ZNF726: variants seen among roughly 807,000 people sequenced by gnomAD.
ZNF726 encodes the protein zinc finger protein 92 pseudogene 3.
ZNF726 carries 15 observed loss-of-function variants against 11.6 expected under a neutral mutation model. That is an observed-to-expected ratio of 1.29 (90% confidence interval 0.86 to 1.99). ZNF726 has a LOEUF of 1.99. ZNF726 is among the 30% of genes most tolerant of loss of function. ZNF726 has a pLI of 0.00. For missense variants in ZNF726, 890 were observed against 725.6 expected (o/e 1.23, Z -2.60); for synonymous variants, 295 against 243.6 (o/e 1.21, Z -1.96).
intron 3 of ZNF726, among the ~76,000 whole-genome samples, chr19:23,924,844 A>G (rs887229823): frequency 1.9e-4 from 29 of 152,058 alleles, no homozygotes; most frequent in Admixed American, 2.6e-4. Context: ...GTGAGCCATA[A>G]TTGTCCCATT....
At position 23,932,841 on chromosome 19, in the gene ZNF726, C is replaced by T. The variant is rs761778208; in HGVS notation, c.725C>T (p.Ser242Leu). The stretch of plus-strand genomic sequence containing the variant: ...TATGGCAAAGCTTTTAATCAATCCT[C>T]AAATTATACTACACATAAGGTAACT... ...EEYGKAFNQS[S>L]NYTTHKVTHT... Residue 242 changes from serine to leucine, a missense_variant, in exon 4 of 4, where the codon TCA becomes TTA. Ser to Leu is a moderately radical substitution (Grantham distance 145, BLOSUM62 -2). Coordinates refer to ENST00000594466, the MANE Select transcript of ZNF726 (RefSeq NM_001244038.2). The T allele has an allele frequency of 6.2e-6, 10 of 1,606,124 alleles. No homozygotes were observed. In the African/African-American group the frequency reaches 9.4e-5, roughly 15 times the overall value.
intron 3 of ZNF726, among the ~76,000 whole-genome samples, chr19:23,930,419 A>G (rs1427887929): frequency 6.6e-6 from 1 of 152,118 alleles, no homozygotes; most frequent in Admixed American, 6.5e-5. Flanking sequence ...ATTTTAGGGT[A>G]TGCTACCACA....
rs761055731 is a variant in ZNF726 at position 23,933,136 on chromosome 19, C to G, written c.1020C>G (p.Pro340=). 6.2e-7 allele frequency: 1 copy of G among 1,611,534 alleles called. No homozygotes were observed. Among genetic ancestry groups the G allele is most frequent in the South Asian group, 1.1e-5 (1 of 91,014 alleles). ...RHKRLHSGEK[P]YKCEECAKAF... is the part of the protein sequence containing the mutation. ...AGAGGCTGCACAGTGGAGAGAAACC[C>G]TACAAATGTGAAGAATGTGCCAAAG... Residue 340 remains proline, a synonymous_variant, in exon 4 of 4, where the codon CCC becomes CCG. Coordinates refer to ENST00000594466, the MANE Select transcript of ZNF726 (RefSeq NM_001244038.2).
rs767101936 is a variant in ZNF726 at position 23,933,320 on chromosome 19, T to C, written c.1204T>C (p.Cys402Arg). Residue 402 changes from cysteine (C) to arginine (R), a missense_variant, in exon 4 of 4, where the codon TGT becomes CGT. Coordinates refer to ENST00000594466, the MANE Select transcript of ZNF726 (RefSeq NM_001244038.2). ...TGEKPYKCEE[C>R]GKAFHRSSNL... The stretch of plus-strand genomic sequence containing the variant: ...AGAGAAACCCTACAAATGTGAAGAA[T>C]GTGGCAAAGCTTTTCATCGATCCTC... The C allele has an allele frequency of 3.5e-5, 56 of 1,613,174 alleles. No individual in the cohort carries two copies. Among genetic ancestry groups the C allele is most frequent in the Non-Finnish European group, 4.7e-5 (55 of 1,179,966 alleles).
At chr19:23,939,302 CT>C (rs1281450250), downstream of ZNF726, among the ~76,000 whole-genome samples, 1 of 152,076 alleles carries the variant, frequency 6.6e-6, no homozygotes, top group East Asian at 1.9e-4. Context: ...CTGTTAATTT[CT>C]TTTTGTGGTG....
At chr19:23,924,926 G>T (rs1028629802) in intron 3 of ZNF726, among the ~76,000 whole-genome samples, 3 of 151,912 alleles carry the variant, frequency 2.0e-5, no homozygotes, top group Non-Finnish European at 4.4e-5. Context: ...GGCATATCAT[G>T]TATATTCACA....
chr19:23,935,952 T>C (rs1968223493), downstream of ZNF726: 1 of 152,392 alleles, frequency 6.6e-6, no homozygotes, highest in African/African-American at 2.4e-5. Context: ...ATTACAAATA[T>C]GAAGAGGGTT....
Position 23,932,368 on chromosome 19 carries a change from C to A in ZNF726, c.252C>A (p.Asp84Glu), listed in dbSNP as rs760037460. ...PPGICPHFAQ[D>E]IWPEQGVEDS... ...GTATATGTCCTCATTTTGCTCAAGA[C>A]ATTTGGCCAGAGCAGGGCGTGGAAG... The change falls in exon 4 of 4, where the codon GAC becomes GAA. Residue 84 changes from aspartate (D) to glutamate (E), a missense_variant. Physicochemically the swap from Asp to Glu is conservative, Grantham distance 45. Transcript: ENST00000594466. 1.4e-6 allele frequency: 2 copies of A among 1,442,390 alleles called. No individual in the cohort carries two copies. The highest frequency in any genetic ancestry group is 1.8e-5 in the South Asian group (1 of 56,154). 89.3% of individuals were successfully genotyped at this position (1,442,390 alleles called of 1,614,324 possible).
intron 3 of ZNF726, chr19:23,928,631 C>T (rs1427671773): frequency 6.6e-6 from 1 of 152,058 alleles, no homozygotes; most frequent in Admixed American, 6.6e-5. Context: ...ATGTCTAAAA[C>T]CCAAGTGTAG....
Position 23,933,296 on chromosome 19 carries a change from G to C in ZNF726, c.1180G>C (p.Glu394Gln). The change falls in exon 4 of 4, where the codon GAG becomes CAG. Residue 394 changes from glutamate to glutamine, a missense_variant. Coordinates refer to ENST00000594466, the MANE Select transcript of ZNF726 (RefSeq NM_001244038.2). The stretch of plus-strand genomic sequence containing the variant: ...TAAACATAAGAGGATTCACACTGGA[G>C]AGAAACCCTACAAATGTGAAGAATG... The part of the protein sequence containing the change: ...LTKHKRIHTG[E>Q]KPYKCEECGK... 6.2e-7 allele frequency: 1 copy of C among 1,613,628 alleles called. No individual in the cohort carries two copies. The highest frequency in any genetic ancestry group is 1.1e-5 in the South Asian group (1 of 91,074).
intron 1 of ZNF726, among the ~76,000 whole-genome samples, chr19:23,917,247 A>T (rs772749746): frequency 6.6e-5 from 10 of 152,244 alleles, no homozygotes; most frequent in Non-Finnish European, 1.5e-4. Context: ...CACTGTGCTC[A>T]GCTGACCTCA....
At chr19:23,943,655 C>A in intron 4 of ZNF726, 1 of 498,632 alleles carries the variant, frequency 2.0e-6, no homozygotes, top group Non-Finnish European at 3.7e-6. Context: ...GAATGCCAGA[C>A]TTTAAAATGT....
chr19:23,943,636 G>A, intron 4 of ZNF726: 1 of 547,296 alleles, frequency 1.8e-6, no homozygotes, highest in Middle Eastern at 2.7e-4. Flanking sequence ...CAGGTTCAAA[G>A]GTCAAAAAGA....
chr19:23,932,195 C>T, intron 3 of ZNF726, 148 bp from the exon 4 acceptor site: 1 of 510,692 alleles, frequency 2.0e-6, no homozygotes, highest in Non-Finnish European at 3.0e-6. Context: ...GTTTTTGTTA[C>T]ATTTAAATGT....
downstream of ZNF726, among the ~76,000 whole-genome samples, chr19:23,938,307 A>G (rs967483304): frequency 6.6e-6 from 1 of 152,212 alleles, no homozygotes; most frequent in Non-Finnish European, 1.5e-5. Flanking sequence ...AGATGTAAAT[A>G]AATTATGGAG....
chr19:23,942,019 GGTTT>G (rs1968346415), intron 3 of ZNF726, among the ~76,000 whole-genome samples: 1 of 151,776 alleles, frequency 6.6e-6, no homozygotes, highest in Non-Finnish European at 1.5e-5. Context: ...GTTTGGGTTT[GGTTT>G]GTTCTTGTTT....
intron 3 of ZNF726, among the ~76,000 whole-genome samples, chr19:23,942,384 G>C (rs940190228): frequency 1.6e-4 from 25 of 152,122 alleles, no homozygotes; most frequent in African/African-American, 6.0e-4. Flanking sequence ...CCTATCATAT[G>C]ATCTATCTTG....
At chr19:23,927,466 T>A (rs1377333487) in intron 3 of ZNF726, among the ~76,000 whole-genome samples, 3 of 152,156 alleles carry the variant, frequency 2.0e-5, no homozygotes, top group Middle Eastern at 3.2e-3. Flanking sequence ...TTTGGTCTTC[T>A]TAAATTTATT....
downstream of ZNF726, among the ~76,000 whole-genome samples, chr19:23,937,273 G>T (rs1175058978): frequency 4.0e-5 from 6 of 151,608 alleles, no homozygotes; most frequent in East Asian, 9.8e-4. Flanking sequence ...GCGGCTGGCC[G>T]GGCGGGGGGC....
Sources: allele counts gnomAD v4.1 joint callset (sites outside exome capture counted in the v4.1 genomes callset), GRCh38; gene constraint gnomAD v4.1.1; transcripts MANE v1.5; gene names NCBI Gene and HGNC (gene_info 2026-07-23, HGNC 2026-07-21).